UGT8: variants seen among roughly 807,000 people sequenced by gnomAD.
The protein encoded by UGT8 is 2-hydroxyacylsphingosine 1-beta-galactosyltransferase.
A neutral mutation model predicts 40.5 loss-of-function variants in UGT8; 12 were observed. That is an observed-to-expected ratio of 0.30 (90% CI 0.19 to 0.48). The LOEUF (loss-of-function observed/expected upper bound fraction) is 0.48. Among genes scored for constraint, UGT8 ranks in the 20% least tolerant of loss-of-function variants. UGT8 has a pLI of 0.99. For missense variants in UGT8, 513 were observed against 648.7 expected (o/e 0.79, Z 2.27); for synonymous variants, 224 against 240.4 (o/e 0.93, Z 0.63).
intron 2 of UGT8, among the ~76,000 whole-genome samples, chr4:114,646,428 A>G (rs1176179681): frequency 6.6e-6 from 1 of 152,094 alleles, no homozygotes; most frequent in African/African-American, 2.4e-5. Context: ...TTAATGTCAT[A>G]GAAACAATGT....
chr4:114,607,116 C>T (rs959099985), intron 1 of UGT8, among the ~76,000 whole-genome samples: 1 of 152,150 alleles, frequency 6.6e-6, no homozygotes, highest in African/African-American at 2.4e-5. Flanking sequence ...TATATTTCTA[C>T]TGTTTAGTTC....
chr4:114,633,660 T>C (rs577547631), intron 2 of UGT8, among the ~76,000 whole-genome samples: 1 of 152,202 alleles, frequency 6.6e-6, no homozygotes, highest in Non-Finnish European at 1.5e-5. Context: ...AAATCCACAC[T>C]CTGGGCCAGG....
intron 2 of UGT8, among the ~76,000 whole-genome samples, chr4:114,641,571 C>T (rs966128838): frequency 6.6e-6 from 1 of 152,126 alleles, no homozygotes; most frequent in African/African-American, 2.4e-5. Flanking sequence ...TATTCATATA[C>T]GTTTATCTGG....
At chr4:114,658,076 T>A (rs1734294730) in intron 2 of UGT8, among the ~76,000 whole-genome samples, 1 of 152,196 alleles carries the variant, frequency 6.6e-6, no homozygotes, top group Admixed American at 6.5e-5. Context: ...TTAGCAGTAG[T>A]CAGAGATCAC....
At chr4:114,632,080 A>G (rs1486364747) in intron 2 of UGT8, among the ~76,000 whole-genome samples, 1 of 152,206 alleles carries the variant, frequency 6.6e-6, no homozygotes, top group Non-Finnish European at 1.5e-5. Context: ...CCCTGTTTTA[A>G]TTCATCTTCA....
intron 2 of UGT8, among the ~76,000 whole-genome samples, chr4:114,638,095 A>T (rs1215226914): frequency 1.3e-5 from 2 of 152,196 alleles, no homozygotes; most frequent in Non-Finnish European, 2.9e-5. Flanking sequence ...TATTTACTTA[A>T]AACAGCAAAA....
intron 1 of UGT8, among the ~76,000 whole-genome samples, chr4:114,599,820 G>A (rs796934777): frequency 6.6e-6 from 1 of 152,276 alleles, no homozygotes; most frequent in African/African-American, 2.4e-5. Flanking sequence ...GAGGCAAACC[G>A]CATCGGAGAG....
intron 2 of UGT8, among the ~76,000 whole-genome samples, chr4:114,657,603 A>C (rs1734264362): frequency 6.6e-6 from 1 of 152,156 alleles, no homozygotes; most frequent in South Asian, 2.1e-4. Flanking sequence ...CTTTTCATTT[A>C]TGTATTTTAA....
chr4:114,612,278 A>G (rs554814344), intron 1 of UGT8, among the ~76,000 whole-genome samples: 2 of 152,290 alleles, frequency 1.3e-5, no homozygotes, highest in African/African-American at 4.8e-5. Context: ...GACATTGTAC[A>G]AGTGTAGCCT....
intron 1 of UGT8, among the ~76,000 whole-genome samples, chr4:114,616,116 C>T (rs1442520543): frequency 6.6e-6 from 1 of 152,206 alleles, no homozygotes; most frequent in African/African-American, 2.4e-5. Flanking sequence ...AACCACTACT[C>T]TCTTCAAAGC....
At chr4:114,599,928 T>G (rs1730342107) in intron 1 of UGT8, among the ~76,000 whole-genome samples, 1 of 152,078 alleles carries the variant, frequency 6.6e-6, no homozygotes, top group Non-Finnish European at 1.5e-5. Flanking sequence ...AATTGAGGGT[T>G]TATAAAATTG....
intron 3 of UGT8, 140 bp from the exon 4 acceptor site, chr4:114,665,540 A>C: frequency 7.8e-7 from 1 of 1,279,870 alleles, no homozygotes. Flanking sequence ...ATTTGCTGTT[A>C]CCAAAGCATG....
intron 2 of UGT8, among the ~76,000 whole-genome samples, chr4:114,647,104 G>T (rs1733617512): frequency 6.6e-6 from 1 of 152,116 alleles, no homozygotes; most frequent in Non-Finnish European, 1.5e-5. Context: ...TTTTTAGAAA[G>T]TCATATTGAC....
intron 2 of UGT8, among the ~76,000 whole-genome samples, chr4:114,637,626 T>G (rs1313690571): frequency 6.6e-6 from 1 of 152,108 alleles, no homozygotes; most frequent in Non-Finnish European, 1.5e-5. Flanking sequence ...CACAAAGACA[T>G]TTGAGAGGCC....
At chr4:114,666,771 T>G (rs890871462) in intron 4 of UGT8, among the ~76,000 whole-genome samples, 2 of 152,102 alleles carry the variant, frequency 1.3e-5, no homozygotes, top group African/African-American at 2.4e-5. Flanking sequence ...TACTGCAAGG[T>G]CCATGCCTGA....
chr4:114,639,507 G>GT (rs1382412871), intron 2 of UGT8, among the ~76,000 whole-genome samples: 2 of 152,150 alleles, frequency 1.3e-5, no homozygotes, highest in Non-Finnish European at 2.9e-5. Context: ...AAGAATCTGT[G>GT]TTTTGTAATC....
At chr4:114,655,005 C>A (rs998487456) in intron 2 of UGT8, among the ~76,000 whole-genome samples, 8 of 151,362 alleles carry the variant, frequency 5.3e-5, no homozygotes, top group African/African-American at 1.9e-4. Context: ...TTATATTTCC[C>A]TACATTGTTT....
At chr4:114,607,564 A>G (rs1730809324) in intron 1 of UGT8, among the ~76,000 whole-genome samples, 1 of 152,070 alleles carries the variant, frequency 6.6e-6, no homozygotes. Flanking sequence ...ATTCATGCCC[A>G]TAGACTGGAT....
chr4:114,612,521 A>T (rs1288922029), intron 1 of UGT8, among the ~76,000 whole-genome samples: 3 of 152,158 alleles, frequency 2.0e-5, no homozygotes, highest in Admixed American at 6.5e-5. Flanking sequence ...TAGGTCCATT[A>T]AAAAAATTGC....
Sources: gnomAD v4.1 joint callset for allele counts (sites outside exome capture counted in the v4.1 genomes callset) on GRCh38, gnomAD v4.1.1 for gene constraint, MANE v1.5 for transcripts, NCBI Gene and HGNC (gene_info 2026-07-23, HGNC 2026-07-21) for gene names.